PCOLCE2: variants seen among roughly 807,000 people sequenced by gnomAD.
PCOLCE2 encodes the protein procollagen C-endopeptidase enhancer 2.
Under a neutral mutation model 47.0 loss-of-function variants are expected in PCOLCE2, and 42 were observed. The ratio of observed to expected loss-of-function variants is 0.89; its 90% confidence interval spans 0.70 to 1.16. The LOEUF (loss-of-function observed/expected upper bound fraction) is 1.16, where lower values mean the gene tolerates loss of function less well. Among genes scored for constraint, PCOLCE2 ranks in the 50% most tolerant of loss-of-function variants. PCOLCE2 has a pLI of 0.00. For synonymous variants in PCOLCE2, 169 were observed against 191.7 expected, an observed-to-expected ratio of 0.88 and a Z score of 0.98; for missense variants, 500 against 526.1, an observed-to-expected ratio of 0.95 and a Z score of 0.49.
chr3:142,860,470 G>A (rs537807250), intron 2 of PCOLCE2, among the ~76,000 whole-genome samples: 8 of 151,400 alleles, frequency 5.3e-5, no homozygotes, highest in South Asian at 4.2e-4. Context: ...TTGCAATGTC[G>A]CGATCTCGGC....
intron 8 of PCOLCE2, among the ~76,000 whole-genome samples, chr3:142,819,120 T>A (rs1053389086): frequency 2.0e-5 from 3 of 152,192 alleles, no homozygotes; most frequent in Admixed American, 1.3e-4. Context: ...AGGGCATAGA[T>A]GGATCATATA....
intron 2 of PCOLCE2, among the ~76,000 whole-genome samples, chr3:142,873,599 T>C (rs1200197014): frequency 6.6e-6 from 1 of 152,216 alleles, no homozygotes; most frequent in Non-Finnish European, 1.5e-5. Flanking sequence ...TACATATTTA[T>C]ATTTCAACTG....
rs80184128 is a variant in PCOLCE2 at position 142,869,625 on chromosome 3, G to T, written c.192+18044C>A. On this transcript the variant is annotated intron_variant, in intron 2 of 8. Transcript: ENST00000295992. ...CTTCAACTGCATAATAAAAACCTTG[G>T]TCTCCACAACCCTTTATCTTAATCA... Among the ~76,000 whole-genome samples the T allele has an allele frequency of 1.0e-2, 1,518 of 152,228 alleles. 26 individuals are homozygous for T. Among genetic ancestry groups the T allele is most frequent in the African/African-American group, 0.035 (1,455 of 41,528 alleles).
chr3:142,855,468 T>C (rs561764789), intron 2 of PCOLCE2, among the ~76,000 whole-genome samples: 1 of 152,312 alleles, frequency 6.6e-6, no homozygotes, highest in South Asian at 2.1e-4. Flanking sequence ...ACAGCGGTTA[T>C]GATGACTTGC....
chr3:142,832,978 G>A (rs1266345905), intron 5 of PCOLCE2, among the ~76,000 whole-genome samples: 1 of 152,158 alleles, frequency 6.6e-6, no homozygotes, highest in Non-Finnish European at 1.5e-5. Context: ...CAAACCCCTG[G>A]TAAATGAGTG....
chr3:142,853,752 T>A lies in PCOLCE2; in HGVS notation c.193-5280A>T, dbSNP rs146656815. The stretch of plus-strand genomic sequence containing the variant: ...TCAAATCTCCTGTAAATGCTAACAC[T>A]TAATGCAGAAACTCAAGGTGCTTTT... On this transcript the variant is annotated intron_variant, in intron 2 of 8. Coordinates refer to ENST00000295992, the MANE Select transcript of PCOLCE2 (RefSeq NM_013363.4). Among the ~76,000 whole-genome samples, 193 of 152,352 alleles carry A rather than the reference T, an allele frequency of 1.3e-3. 1 individual carries two copies. Among genetic ancestry groups the A allele is most frequent in the African/African-American group, 4.4e-3 (182 of 41,578 alleles).
At position 142,821,038 on chromosome 3, in the gene PCOLCE2, G is replaced by T; in HGVS notation, c.957C>A (p.Ala319=). 1 of 1,600,130 alleles carries T rather than the reference G, an allele frequency of 6.2e-7. No homozygotes were observed. Among genetic ancestry groups the T allele is most frequent in the Non-Finnish European group, 8.6e-7 (1 of 1,168,380 alleles). Reference sequence around the variant, plus strand: ...GAGTGATGGTTGTGATAACAGTGCCGGCTAATACTGCAGAAGAAAACATTT... The same window carrying T: ...GAGTGATGGTTGTGATAACAGTGCCTGCTAATACTGCAGAAGAAAACATTT... ...GNYCSSDFVL[A]GTVITTITRD... Residue 319 remains alanine, a synonymous_variant, in exon 8 of 9, where the codon GCC becomes GCA. Coordinates refer to ENST00000295992, the MANE Select transcript of PCOLCE2 (RefSeq NM_013363.4).
At chr3:142,865,406 C>G (rs1002952571) in intron 2 of PCOLCE2, among the ~76,000 whole-genome samples, 1 of 152,090 alleles carries the variant, frequency 6.6e-6, no homozygotes, top group African/African-American at 2.4e-5. Flanking sequence ...AGATGAACAT[C>G]TGAGTCACAC....
chr3:142,862,959 A>G (rs1247023742), intron 2 of PCOLCE2, among the ~76,000 whole-genome samples: 1 of 152,136 alleles, frequency 6.6e-6, no homozygotes, highest in Non-Finnish European at 1.5e-5. Context: ...ACAAATTCCT[A>G]GAAATGGACC....
At chr3:142,881,771 T>C (rs1933626500) in intron 2 of PCOLCE2, among the ~76,000 whole-genome samples, 1 of 152,218 alleles carries the variant, frequency 6.6e-6, no homozygotes, top group Non-Finnish European at 1.5e-5. Context: ...TGTTACGGGA[T>C]ATGTGACTGT....
At chr3:142,825,606 TC>T (rs1937067732) in intron 6 of PCOLCE2, among the ~76,000 whole-genome samples, 1 of 152,106 alleles carries the variant, frequency 6.6e-6, no homozygotes, top group Non-Finnish European at 1.5e-5. Flanking sequence ...CGTTCTCCCC[TC>T]CAAGCTTATT....
At chr3:142,832,618 G>A (rs1276819522) in intron 5 of PCOLCE2, among the ~76,000 whole-genome samples, 2 of 152,062 alleles carry the variant, frequency 1.3e-5, no homozygotes, top group African/African-American at 4.8e-5. Flanking sequence ...ACCCACCCAG[G>A]ACATTCATTA....
intron 5 of PCOLCE2, among the ~76,000 whole-genome samples, chr3:142,830,448 T>C (rs1184744786): frequency 1.3e-5 from 2 of 152,214 alleles, no homozygotes; most frequent in East Asian, 1.9e-4. Context: ...AAGAAAGCCA[T>C]GCAAAGGACT....
chr3:142,879,835 TG>T (rs889410506), intron 2 of PCOLCE2, among the ~76,000 whole-genome samples: 7 of 150,988 alleles, frequency 4.6e-5, no homozygotes, highest in Non-Finnish European at 7.4e-5. Context: ...GCAGGCGTGG[TG>T]GGGGGGCGCC....
At chr3:142,888,709 G>A in intron 1 of PCOLCE2, 105 bp downstream of exon 1, 1 of 658,028 alleles carries the variant, frequency 1.5e-6, no homozygotes, top group Non-Finnish European at 2.4e-6. Context: ...TCGAGCGCTG[G>A]GTCACCCAGG....
intron 2 of PCOLCE2, among the ~76,000 whole-genome samples, chr3:142,854,261 A>C (rs1933017073): frequency 1.3e-5 from 2 of 152,086 alleles, no homozygotes; most frequent in Admixed American, 6.5e-5. Flanking sequence ...CCTCTTCCAC[A>C]AACAAACCTT....
intron 2 of PCOLCE2, among the ~76,000 whole-genome samples, chr3:142,858,695 T>C (rs1272558636): frequency 1.3e-5 from 2 of 151,968 alleles, no homozygotes; most frequent in Non-Finnish European, 2.9e-5. Context: ...CTTTGTTATA[T>C]TCCCTCAGTC....
At chr3:142,850,813 G>A (rs1044054794) in intron 2 of PCOLCE2, among the ~76,000 whole-genome samples, 5 of 22,450 alleles carry the variant, frequency 2.2e-4, no homozygotes, top group African/African-American at 7.9e-4. Flanking sequence ...ATGGGGGTAA[G>A]GAAGGGGATA....
intron 2 of PCOLCE2, among the ~76,000 whole-genome samples, chr3:142,884,304 G>A (rs1004541547): frequency 2.0e-5 from 3 of 152,110 alleles, no homozygotes; most frequent in Non-Finnish European, 2.9e-5. Flanking sequence ...AAATTAGGGT[G>A]ACTTATGCCT....
Sources: allele counts gnomAD v4.1 joint callset (sites outside exome capture counted in the v4.1 genomes callset), GRCh38; gene constraint gnomAD v4.1.1; transcripts MANE v1.5; gene names NCBI Gene and HGNC (gene_info 2026-07-23, HGNC 2026-07-21).